Variants in L3MBTL1 observed in about 807,000 individuals in gnomAD.
L3MBTL1 encodes the protein L3MBTL histone methyl-lysine binding protein 1.
In L3MBTL1, 75 loss-of-function variants were observed where a neutral mutation model predicts 105.3. The ratio of observed to expected loss-of-function variants is 0.71; its 90% CI spans 0.59 to 0.86. The LOEUF is 0.86. Ranked by LOEUF, L3MBTL1 falls within the 40% of genes least tolerant of loss-of-function variation. L3MBTL1 has a pLI of 0.00. For synonymous variants in L3MBTL1, 452 were observed against 436.2 expected, an observed-to-expected ratio of 1.04 and a Z score of -0.45; for missense variants, 1,069 against 1,126.4, an observed-to-expected ratio of 0.95 and a Z score of 0.73.
intron 7 of L3MBTL1, among the ~76,000 whole-genome samples, chr20:43,519,596 AT>A (rs1199254223): frequency 1.3e-5 from 2 of 152,232 alleles, no homozygotes; most frequent in African/African-American, 4.8e-5. Context: ...AGATCGTGCC[AT>A]TGCACTCCAG....
chr20:43,532,659 C>T, intron 11 of L3MBTL1, 114 bp from the exon 12 acceptor site: 1 of 1,127,844 alleles, frequency 8.9e-7, no homozygotes, highest in East Asian at 2.4e-5. Flanking sequence ...CTTCCTTTCT[C>T]ACTGCCCACA....
Position 43,515,093 on chromosome 20 carries a change from C to T in L3MBTL1, c.587C>T (p.Pro196Leu). The part of the protein sequence containing the change: ...DSTCQCQACG[P>L]HQAAGPDLGS... The stretch of plus-strand genomic sequence containing the variant: ...ACCTGTCAGTGCCAGGCGTGCGGGC[C>T]TCACCAAGCCGCGGGTCCAGATCTT... Residue 196 changes from proline (P) to leucine (L), a missense_variant, in exon 5 of 22, where the codon CCT becomes CTT. Physicochemically the swap from Pro to Leu is moderately conservative, Grantham distance 98. Coordinates refer to ENST00000418998, the MANE Select transcript of L3MBTL1 (RefSeq NM_001377303.1). The T allele has an allele frequency of 6.2e-7, 1 of 1,614,194 alleles. No homozygotes were observed. Among genetic ancestry groups the T allele is most frequent in the South Asian group, 1.1e-5 (1 of 91,086 alleles).
At chr20:43,526,993 G>A (rs746153415) in intron 7 of L3MBTL1, among the ~76,000 whole-genome samples, 15 of 152,064 alleles carry the variant, frequency 9.9e-5, no homozygotes, top group Non-Finnish European at 1.2e-4. Flanking sequence ...AGCCACTTAG[G>A]TCCCAACTAA....
chr20:43,540,367 C>A lies in L3MBTL1; in HGVS notation c.2331+59C>A, dbSNP rs902377017. 3.2e-6 allele frequency: 5 copies of A among 1,581,248 alleles called. No individual in the cohort carries two copies. In the African/African-American group the frequency reaches 5.4e-5, roughly 17 times the overall value. On this transcript the variant is annotated intron_variant, in intron 20 of 21. Coordinates refer to ENST00000418998, the MANE Select transcript of L3MBTL1 (RefSeq NM_001377303.1). ...TCCTCTCCTCCTCCCTCTCACCATACCCTGGTGGAAAGGCCCAGGTCAGGT... is the reference window on the plus strand; with the variant it reads ...TCCTCTCCTCCTCCCTCTCACCATAACCTGGTGGAAAGGCCCAGGTCAGGT...
rs750622133 is a variant in L3MBTL1, at chr20:43,540,193, C to T, written c.2216C>T (p.Ala739Val). 1.1e-5 allele frequency: 17 copies of T among 1,613,316 alleles called. No homozygotes were observed. The East Asian group carries it at 3.3e-4, about 32-fold the overall frequency. The change falls in exon 20 of 22, where the codon GCC becomes GTC. Residue 739 changes from alanine to valine, a missense_variant. Ala to Val is a moderately conservative substitution (Grantham distance 64). Transcript: ENST00000418998. ...GTGCACCAGTCCCTCTTCATGTCAG[C>T]CCTGTCGGCCCACCCTGACCGCTCA... ...DVVHQSLFMS[A>V]LSAHPDRSLS... is the part of the protein sequence containing the mutation.
In L3MBTL1 at chr20:43,514,786, C is replaced by G; in HGVS notation, c.502+10C>G. 6.5e-7 allele frequency: 1 copy of G among 1,541,724 alleles called. No individual in the cohort carries two copies. Among genetic ancestry groups the G allele is most frequent in the South Asian group, 1.2e-5 (1 of 83,070 alleles). On this transcript the variant is annotated intron_variant, in intron 4 of 21. Coordinates refer to ENST00000418998, the MANE Select transcript of L3MBTL1 (RefSeq NM_001377303.1). ...GGCCCCCAACAGGCGGGTAGGAGCC[C>G]CGCTCCCCAGGCCCTGAGCTGGGCC... is the stretch of plus-strand genomic sequence containing the variant.
At chr20:43,527,065 G>A (rs1025999257) in intron 7 of L3MBTL1, among the ~76,000 whole-genome samples, 1 of 152,176 alleles carries the variant, frequency 6.6e-6, no homozygotes, top group South Asian at 2.1e-4. Context: ...ATTATCCAGG[G>A]TAGTAGCCAA....
intron 7 of L3MBTL1, among the ~76,000 whole-genome samples, chr20:43,516,985 G>A (rs1346359932): frequency 6.6e-6 from 1 of 151,882 alleles, no homozygotes; most frequent in African/African-American, 2.4e-5. Flanking sequence ...TTATAGAGAT[G>A]GGGATCTTAC....
chr20:43,513,367 G>A (rs2018189686), intron 1 of L3MBTL1, 109 bp from the exon 2 acceptor site: 4 of 1,126,760 alleles, frequency 3.5e-6, no homozygotes, highest in Admixed American at 2.5e-5. Context: ...GCAGGTCACG[G>A]GTTTGAAGGT....
At chr20:43,540,423 T>G in intron 20 of L3MBTL1, 115 bp downstream of exon 20, 1 of 1,202,476 alleles carries the variant, frequency 8.3e-7, no homozygotes, top group Non-Finnish European at 1.2e-6. Flanking sequence ...GCACTACCTC[T>G]TGCTCATCTG....
intron 18 of L3MBTL1, chr20:43,548,019 A>G (rs1013454097): frequency 3.2e-5 from 12 of 371,262 alleles, no homozygotes; most frequent in Admixed American, 1.7e-4. Flanking sequence ...CCCCTCCCCC[A>G]TTCCCCATGC....
At chr20:43,543,701 G>A (rs112316728), downstream of L3MBTL1, among the ~76,000 whole-genome samples, 2,342 of 152,252 alleles carry the variant, frequency 0.015, 81 homozygotes, top group African/African-American at 0.052. Context: ...GGTATTCAGG[G>A]ACACCAGTCA....
intron 7 of L3MBTL1, among the ~76,000 whole-genome samples, chr20:43,519,032 A>G (rs943566701): frequency 6.7e-6 from 1 of 149,152 alleles, no homozygotes; most frequent in Admixed American, 6.7e-5. Flanking sequence ...TCTCAGGGGG[A>G]AAAAAAAGAA....
chr20:43,516,396 C>T (rs2018395432), intron 7 of L3MBTL1, among the ~76,000 whole-genome samples: 1 of 152,094 alleles, frequency 6.6e-6, no homozygotes. Context: ...GTTTGTTTAT[C>T]CTCTATTATC....
chr20:43,534,977 T>C (rs2019532624), intron 16 of L3MBTL1, 35 bp downstream of exon 16: 1 of 1,437,260 alleles, frequency 7.0e-7, no homozygotes, highest in Non-Finnish European at 9.5e-7. Context: ...TCTTTTCCTT[T>C]CCCCCCAGGT....
rs1182835803 is a variant in L3MBTL1 at position 43,540,212 on chromosome 20, C to T, written c.2235C>T (p.Asp745=). 1 of 1,613,714 alleles carries T rather than the reference C, an allele frequency of 6.2e-7. No individual in the cohort carries two copies. The highest frequency in any genetic ancestry group is 1.1e-5 in the South Asian group (1 of 91,088). The change falls in exon 20 of 22, where the codon GAC becomes GAT. Residue 745 remains aspartate, a synonymous_variant. Coordinates refer to ENST00000418998, the MANE Select transcript of L3MBTL1 (RefSeq NM_001377303.1). The part of the protein sequence containing the change: ...LFMSALSAHP[D]RSLSVCWEQH... Reference sequence around the variant, plus strand: ...TGTCAGCCCTGTCGGCCCACCCTGACCGCTCACTCTCAGTGTGCTGGGAGC... The same window carrying T: ...TGTCAGCCCTGTCGGCCCACCCTGATCGCTCACTCTCAGTGTGCTGGGAGC...
intron 18 of L3MBTL1, chr20:43,548,028 G>GC: frequency 1.8e-6 from 1 of 567,382 alleles, no homozygotes; most frequent in South Asian, 2.5e-5. Context: ...CATTCCCCAT[G>GC]CACACCCCTC....
chr20:43,511,362 T>C (rs2145366402), intron 1 of L3MBTL1, among the ~76,000 whole-genome samples: 1 of 152,256 alleles, frequency 6.6e-6, no homozygotes, highest in African/African-American at 2.4e-5. Flanking sequence ...AGATGACTGA[T>C]CAAACACAGA....
At chr20:43,534,144 A>G (rs746748612) in intron 14 of L3MBTL1, 51 bp downstream of exon 14, 1 of 1,571,308 alleles carries the variant, frequency 6.4e-7, no homozygotes, top group African/African-American at 1.4e-5. Context: ...GACATGGAGC[A>G]CTCAGCTAGC....
Sources: allele counts gnomAD v4.1 joint callset (sites outside exome capture counted in the v4.1 genomes callset), GRCh38; gene constraint gnomAD v4.1.1; transcripts MANE v1.5; gene names NCBI Gene and HGNC (gene_info 2026-07-23, HGNC 2026-07-21).